Variants in MYO9B observed in about 807,000 individuals in gnomAD.
The protein encoded by MYO9B is unconventional myosin-IXb.
In MYO9B, 71 loss-of-function variants were observed where a neutral mutation model predicts 229.5. The ratio of observed to expected loss-of-function variants is 0.31; its 90% CI spans 0.26 to 0.38. The LOEUF (loss-of-function observed/expected upper bound fraction) is 0.38, where lower values mean the gene tolerates loss of function less well. MYO9B is among the 10% of genes least tolerant of loss of function. The pLI, the probability that MYO9B is intolerant of heterozygous loss-of-function variation, is 1.00. For missense variants in MYO9B, 2,255 were observed against 2,920.5 expected (o/e 0.77, Z 5.25); for synonymous variants, 1,185 against 1,235.8 (o/e 0.96, Z 0.86).
chr19:17,207,277 A>G, intron 35 of MYO9B, 33 bp downstream of exon 35: 1 of 1,580,254 alleles, frequency 6.3e-7, no homozygotes, highest in Non-Finnish European at 8.6e-7. Flanking sequence ...AGGCATGCTC[A>G]GGGCAGCCCC....
chr19:17,109,859 G>A (rs1007399667), intron 2 of MYO9B, among the ~76,000 whole-genome samples: 11 of 152,160 alleles, frequency 7.2e-5, no homozygotes, highest in Non-Finnish European at 7.3e-5. Context: ...CCAAGACCCC[G>A]TTTCCAGATA....
chr19:17,137,770 G>T (rs1267684795), intron 2 of MYO9B, among the ~76,000 whole-genome samples: 2 of 151,954 alleles, frequency 1.3e-5, no homozygotes, highest in Non-Finnish European at 2.9e-5. Context: ...TTGAAACAGA[G>T]TCTCGCTCTG....
chr19:17,163,221 C>A, intron 10 of MYO9B, 99 bp downstream of exon 10: 4 of 1,306,874 alleles, frequency 3.1e-6, no homozygotes, highest in Non-Finnish European at 4.2e-6. Flanking sequence ...AGTTCAGCGG[C>A]GGTAAGTACA....
chr19:17,168,950 C>T (rs911251127), intron 11 of MYO9B, among the ~76,000 whole-genome samples: 2 of 152,192 alleles, frequency 1.3e-5, no homozygotes, highest in South Asian at 2.1e-4. Context: ...TTCTGGGTCA[C>T]CCAGTTGTAG....
Position 17,195,232 on chromosome 19 carries a change from C to T in MYO9B, c.3805C>T (p.Pro1269Ser), listed in dbSNP as rs753843128. The T allele has an allele frequency of 6.2e-7, 1 of 1,610,546 alleles. No individual in the cohort carries two copies. The highest frequency in any genetic ancestry group is 8.5e-7 in the Non-Finnish European group (1 of 1,178,948). Reference protein sequence around the residue: ...RVSPPAPGSAPETPEDKSKPC... With the variant: ...RVSPPAPGSASETPEDKSKPC... ...CAGCCCACCGGCCCCTGGCAGCGCC[C>T]CCGAGACCCCCGAGGACAAGAGCAA... The change falls in exon 22 of 40, where the codon CCC becomes TCC. Residue 1269 changes from proline (P) to serine (S), a missense_variant. Physicochemically the swap from Pro to Ser is moderately conservative, Grantham distance 74 (BLOSUM62 -1). Coordinates refer to ENST00000682292, the MANE Select transcript of MYO9B (RefSeq NM_004145.4). This position sits in a 1 kb window ranked among gnomAD's most constrained non-coding sequence, Gnocchi z 4.5.
chr19:17,102,747 A>T (rs1234292942), intron 2 of MYO9B, among the ~76,000 whole-genome samples, 190 bp downstream of exon 2: 1 of 151,120 alleles, frequency 6.6e-6, no homozygotes, highest in Non-Finnish European at 1.5e-5. Context: ...CAAAAAAAAA[A>T]AAATAATTAG....
chr19:17,084,125 C>T (rs1444169402), intron 1 of MYO9B, among the ~76,000 whole-genome samples: 2 of 151,850 alleles, frequency 1.3e-5, no homozygotes, highest in Non-Finnish European at 2.9e-5. Flanking sequence ...CCCTTGGGCC[C>T]AGGACTTCCA....
At chr19:17,153,658 T>C (rs1176995771) in intron 4 of MYO9B, among the ~76,000 whole-genome samples, 2 of 148,140 alleles carry the variant, frequency 1.4e-5, no homozygotes, top group African/African-American at 5.0e-5. Context: ...ATTGCACCAC[T>C]GCACTCCAGC....
At chr19:17,079,191 A>G (rs564060527) in intron 1 of MYO9B, among the ~76,000 whole-genome samples, 2 of 152,304 alleles carry the variant, frequency 1.3e-5, no homozygotes, top group East Asian at 1.9e-4. Context: ...TCTAGGGCCC[A>G]TCATTGCCTT....
intron 14 of MYO9B, among the ~76,000 whole-genome samples, chr19:17,179,673 C>G (rs1055335936): frequency 4.0e-5 from 6 of 151,714 alleles, no homozygotes; most frequent in Non-Finnish European, 7.4e-5. Context: ...GTGATCTGCC[C>G]TGCTCAGCCT....
At chr19:17,200,966 CAG>C (rs2073100611) in intron 26 of MYO9B, 137 bp downstream of exon 26, 1 of 1,036,528 alleles carries the variant, frequency 9.6e-7, no homozygotes, top group Admixed American at 2.4e-5. Flanking sequence ...AGGCCGGGGA[CAG>C]TGGTTCATGT....
Position 17,175,606 on chromosome 19 carries a change from A to G in MYO9B, c.2141-57A>G, listed in dbSNP as rs570379889. ...ATAAATAAATAAAATGGGTTAAAATAATTGCAGCCTCCATAGGAGGCCATC... is the reference window on the plus strand; with the variant it reads ...ATAAATAAATAAAATGGGTTAAAATGATTGCAGCCTCCATAGGAGGCCATC... On this transcript the variant is annotated intron_variant, in intron 13 of 39. Coordinates refer to ENST00000682292, the MANE Select transcript of MYO9B (RefSeq NM_004145.4). 3.3e-5 allele frequency: 44 copies of G among 1,324,720 alleles called. No individual in the cohort carries two copies. In the African/African-American group the frequency reaches 5.3e-4, roughly 16 times the overall value. The allele number at this position is 1,324,720 out of a possible 1,614,324, so 82.1% of individuals were successfully genotyped here.
At position 17,172,728 on chromosome 19, in the gene MYO9B, C is replaced by G. The variant is rs1426812062; in HGVS notation, c.1936-31C>G. ...GTAGGCGCCGGTGAGTGACTATCCC[C>G]GAGTGACCGCCCACATCCATCCCCC... On this transcript the variant is annotated intron_variant, in intron 12 of 39. Transcript: ENST00000682292. This position sits in a 1 kb window ranked among gnomAD's most constrained non-coding sequence, Gnocchi z 8.2. The G allele has an allele frequency of 3.7e-6, 6 of 1,610,288 alleles. No homozygotes were observed. The South Asian group carries it at 5.5e-5, about 15-fold the overall frequency.
chr19:17,099,954 C>A (rs2057729044), intron 1 of MYO9B, among the ~76,000 whole-genome samples: 1 of 150,868 alleles, frequency 6.6e-6, no homozygotes, highest in African/African-American at 2.4e-5. Context: ...CCTGTCTATG[C>A]TAAAAATACA....
intron 4 of MYO9B, 24 bp from the exon 5 acceptor site, chr19:17,153,943 T>C: frequency 6.3e-7 from 1 of 1,596,396 alleles, no homozygotes; most frequent in Non-Finnish European, 8.6e-7. Flanking sequence ...AAACAACTAT[T>C]TTCCTCCCAA....
intron 18 of MYO9B, among the ~76,000 whole-genome samples, 178 bp downstream of exon 18, chr19:17,186,179 C>G (rs2072917567): frequency 1.3e-5 from 2 of 152,118 alleles, no homozygotes; most frequent in Admixed American, 1.3e-4. Flanking sequence ...CATTTAAGAG[C>G]AGGGACATCA....
chr19:17,140,807 T>G (rs112218863), intron 2 of MYO9B, among the ~76,000 whole-genome samples: 32,477 of 147,242 alleles, frequency 0.22, 3,689 homozygotes, highest in African/African-American at 0.25. Flanking sequence ...TTTCAACATA[T>G]AAAGTTTGTC....
chr19:17,163,201 G>C, intron 10 of MYO9B, 79 bp downstream of exon 10: 1 of 1,452,344 alleles, frequency 6.9e-7, no homozygotes, highest in Non-Finnish European at 9.3e-7. Context: ...TTAACCATTT[G>C]TAAATATTCA....
At chr19:17,093,068 A>C (rs1600028789) in intron 1 of MYO9B, among the ~76,000 whole-genome samples, 1 of 152,306 alleles carries the variant, frequency 6.6e-6, no homozygotes, top group East Asian at 1.9e-4. Flanking sequence ...ACTGTGGCTC[A>C]CACCTGTAAT....
Sources: allele counts gnomAD v4.1 joint callset (sites outside exome capture counted in the v4.1 genomes callset), GRCh38; gene constraint gnomAD v4.1.1; non-coding constraint Gnocchi (gnomAD v3.1); transcripts MANE v1.5; gene names NCBI Gene and HGNC (gene_info 2026-07-23, HGNC 2026-07-21).